Variants in GALNT17 observed in about 807,000 individuals in gnomAD.
GALNT17 encodes the protein UDP-GalNAc:polypeptide N-acetylgalactosaminyltransferase-like 3.
In GALNT17, 29 loss-of-function variants were observed where a neutral mutation model predicts 63.7. The observed-to-expected ratio is 0.46, with a 90% confidence interval of 0.34 to 0.62. The LOEUF is 0.62. Ranked by LOEUF, GALNT17 falls within the 20% of genes least tolerant of loss-of-function variation. The pLI is 0.01. For synonymous variants in GALNT17, 305 were observed against 318.3 expected (o/e 0.96, Z 0.45); for missense variants, 603 against 799.6 (o/e 0.75, Z 2.97).
intron 6 of GALNT17, among the ~76,000 whole-genome samples, chr7:71,588,372 G>T (rs978043173): frequency 6.6e-6 from 1 of 151,982 alleles, no homozygotes; most frequent in African/African-American, 2.4e-5. Flanking sequence ...TTTCTTTATG[G>T]TTTGTTTTGT....
chr7:71,460,138 TGTCACGGGCCATGGTCACTCA>T (rs1192675837), intron 5 of GALNT17, among the ~76,000 whole-genome samples: 1 of 151,972 alleles, frequency 6.6e-6, no homozygotes, highest in Admixed American at 6.5e-5. Context: ...CTGAGGGCTG[TGTCACGGGCCATGGTCACTCA>T]TATTTGGCTC....
chr7:71,547,257 C>T (rs776732711), intron 5 of GALNT17, among the ~76,000 whole-genome samples: 7 of 151,828 alleles, frequency 4.6e-5, no homozygotes, highest in Non-Finnish European at 7.4e-5. Flanking sequence ...CTCTCCCTCC[C>T]GAGTTCAAGC....
At chr7:71,619,117 T>C (rs1790256917) in intron 6 of GALNT17, among the ~76,000 whole-genome samples, 2 of 152,166 alleles carry the variant, frequency 1.3e-5, no homozygotes, top group African/African-American at 4.8e-5. Context: ...GATCAGATGG[T>C]TGTAGGTGTG....
intron 1 of GALNT17, among the ~76,000 whole-genome samples, chr7:71,170,673 G>A (rs978196327): frequency 6.6e-6 from 1 of 152,042 alleles, no homozygotes; most frequent in South Asian, 2.1e-4. Flanking sequence ...TTTGAATTTT[G>A]AGTGTGTGTG....
At chr7:71,623,986 T>A (rs547257045) in intron 6 of GALNT17, among the ~76,000 whole-genome samples, 2 of 151,848 alleles carry the variant, frequency 1.3e-5, no homozygotes, top group African/African-American at 4.8e-5. Context: ...ACTCAGAATA[T>A]CCCCCAGGAA....
chr7:71,680,787 CCCTTCCTTCCTTCCTTCCTTTCTTCCTT>C (rs1344705156), intron 9 of GALNT17, among the ~76,000 whole-genome samples: 1 of 142,842 alleles, frequency 7.0e-6, no homozygotes, highest in Non-Finnish European at 1.5e-5. Context: ...TCTTTCTTTT[CCCTTCCTTCCTTCCTTCCTTTCTTCCTT>C]CCTTCCTTCC....
chr7:71,384,257 C>A (rs1792898479), intron 2 of GALNT17, among the ~76,000 whole-genome samples: 1 of 152,066 alleles, frequency 6.6e-6, no homozygotes, highest in Admixed American at 6.6e-5. Context: ...ATTTTAAGAA[C>A]CTGGCTCACA....
In GALNT17 at chr7:71,431,707, T is replaced by C. The variant is rs35307808; in HGVS notation, c.962+10602T>C. Among the ~76,000 whole-genome samples the C allele has an allele frequency of 9.7e-3, 1,483 of 152,138 alleles. 53 individuals are homozygous for C. Among genetic ancestry groups the C allele is most frequent in the Non-Finnish European group, 7.2e-3 (492 of 68,012 alleles). ...CTGGACCTTGCCAGCTGGAGGAGAT[T>C]TTTACCGGCTGAGTATATGCAAGAT... On this transcript the variant is annotated intron_variant, in intron 5 of 10. Coordinates refer to ENST00000333538, the MANE Select transcript of GALNT17 (RefSeq NM_022479.3).
intron 1 of GALNT17, among the ~76,000 whole-genome samples, chr7:71,325,065 T>A (rs1791681943): frequency 6.6e-6 from 1 of 152,218 alleles, no homozygotes; most frequent in Non-Finnish European, 1.5e-5. Flanking sequence ...AAGGATAAAC[T>A]GTATTTTTCA....
intron 5 of GALNT17, among the ~76,000 whole-genome samples, chr7:71,456,593 G>A (rs909019814): frequency 1.3e-5 from 2 of 151,342 alleles, no homozygotes; most frequent in African/African-American, 2.4e-5. Flanking sequence ...GCATGGTGGC[G>A]GACGCCTGTA....
intron 1 of GALNT17, among the ~76,000 whole-genome samples, chr7:71,182,036 G>T (rs184236217): frequency 6.6e-6 from 1 of 152,222 alleles, no homozygotes; most frequent in East Asian, 1.9e-4. Flanking sequence ...TTAGCTGGGC[G>T]TGGTGGCGCA....
chr7:71,654,229 A>G (rs897171456), intron 6 of GALNT17, among the ~76,000 whole-genome samples: 1 of 152,068 alleles, frequency 6.6e-6, no homozygotes, highest in East Asian at 2.0e-4. Context: ...GTTAGCCAGG[A>G]TGGTCTCCAT....
At chr7:71,248,021 G>T (rs1790131333) in intron 1 of GALNT17, among the ~76,000 whole-genome samples, 1 of 152,170 alleles carries the variant, frequency 6.6e-6, no homozygotes, top group African/African-American at 2.4e-5. Flanking sequence ...GTATTAGTCT[G>T]TTCTCACACT....
intron 1 of GALNT17, among the ~76,000 whole-genome samples, chr7:71,304,474 C>T (rs1487717941): frequency 1.4e-4 from 21 of 152,044 alleles, no homozygotes; most frequent in Non-Finnish European, 2.9e-4. Flanking sequence ...CCACTGAAAA[C>T]GGAGAAGGTT....
intron 6 of GALNT17, among the ~76,000 whole-genome samples, chr7:71,623,539 T>C (rs1228333059): frequency 6.6e-6 from 1 of 152,032 alleles, no homozygotes; most frequent in African/African-American, 2.4e-5. Context: ...TGCCTCAGCC[T>C]CCCAAGTAGC....
intron 5 of GALNT17, among the ~76,000 whole-genome samples, chr7:71,516,015 G>A (rs1283393355): frequency 6.6e-6 from 1 of 152,166 alleles, no homozygotes; most frequent in Non-Finnish European, 1.5e-5. Context: ...TAGAGGAGCA[G>A]CCGATTATGC....
intron 6 of GALNT17, among the ~76,000 whole-genome samples, chr7:71,630,671 C>A (rs1790442169): frequency 6.6e-6 from 1 of 152,166 alleles, no homozygotes; most frequent in Non-Finnish European, 1.5e-5. Flanking sequence ...CCCTCACAAA[C>A]ACATGAGAAG....
chr7:71,338,474 C>T (rs369851719), intron 2 of GALNT17, among the ~76,000 whole-genome samples: 1 of 152,044 alleles, frequency 6.6e-6, no homozygotes, highest in East Asian at 1.9e-4. Flanking sequence ...AGTAAGCCAT[C>T]GTGGCACCAC....
intron 6 of GALNT17, among the ~76,000 whole-genome samples, chr7:71,603,089 C>A (rs749748273): frequency 6.6e-6 from 1 of 151,984 alleles, no homozygotes; most frequent in African/African-American, 2.4e-5. Flanking sequence ...ACACCAGGTA[C>A]TATGCTAAGT....
Sources: gnomAD v4.1 joint callset for allele counts (sites outside exome capture counted in the v4.1 genomes callset) on GRCh38, gnomAD v4.1.1 for gene constraint, MANE v1.5 for transcripts, NCBI Gene and HGNC (gene_info 2026-07-23, HGNC 2026-07-21) for gene names.